Variants in CRTC3 observed in about 807,000 individuals in gnomAD.
CRTC3 encodes CREB regulated transcription coactivator 3.
In CRTC3, 26 loss-of-function variants were observed where a neutral mutation model predicts 74.5. The ratio of observed to expected loss-of-function variants is 0.35; its 90% CI spans 0.26 to 0.48. The LOEUF (loss-of-function observed/expected upper bound fraction) is 0.48. CRTC3 is among the 20% of genes least tolerant of loss of function. The probability of loss-of-function intolerance (pLI) is 0.99; values close to 1 mark genes in which losing one functional copy is unlikely to be tolerated. For synonymous variants in CRTC3, 377 were observed against 325.8 expected, an observed-to-expected ratio of 1.16 and a Z score of -1.69; for missense variants, 760 against 787.3, an observed-to-expected ratio of 0.97 and a Z score of 0.41.
In CRTC3 at chr15:90,638,547, G is replaced by A. The variant is rs375595268; in HGVS notation, c.1368G>A (p.Gln456=). 3.7e-6 allele frequency: 6 copies of A among 1,613,066 alleles called. No individual in the cohort carries two copies. The African/African-American group carries it at 8.0e-5, about 22-fold the overall frequency. ...PPYPAPQELT[Q]PLLQQPRAPE... is the part of the protein sequence containing the mutation. The stretch of plus-strand genomic sequence containing the variant: ...ACCCTGCACCCCAGGAGCTCACCCA[G>A]CCCCTCCTGCAGCAGCCCCGCGCCC... The change falls in exon 12 of 15, where the codon CAG becomes CAA. Residue 456 remains glutamine (Q), a synonymous_variant. Transcript: ENST00000268184.
chr15:90,572,506 CA>C (rs1221605968), intron 2 of CRTC3, among the ~76,000 whole-genome samples: 1 of 152,142 alleles, frequency 6.6e-6, no homozygotes, highest in African/African-American at 2.4e-5. Context: ...AAGGTGATAT[CA>C]ATTTCTACTC....
At chr15:90,623,239 G>A (rs1262195384) in intron 9 of CRTC3, among the ~76,000 whole-genome samples, 1 of 152,094 alleles carries the variant, frequency 6.6e-6, no homozygotes, top group Non-Finnish European at 1.5e-5. Context: ...TTACTCTCAG[G>A]TGTTCCTTCC....
At position 90,545,800 on chromosome 15, in the gene CRTC3, C is replaced by A. The variant is rs7497276; in HGVS notation, c.231+5663C>A. Among the ~76,000 whole-genome samples, 1,032 of 151,990 alleles carry A rather than the reference C, an allele frequency of 6.8e-3. 5 individuals carry two copies. The highest frequency in any genetic ancestry group is 0.024 in the Middle Eastern group (7 of 294). On this transcript the variant is annotated intron_variant, in intron 2 of 14. Coordinates refer to ENST00000268184, the MANE Select transcript of CRTC3 (RefSeq NM_022769.5). ...TCACTGTGTTAGCCAGGATGGTCTC[C>A]ATCTCCTGACTTTGTGATCCGCCCG...
At chr15:90,564,596 C>A (rs1349465609) in intron 2 of CRTC3, among the ~76,000 whole-genome samples, 1 of 152,168 alleles carries the variant, frequency 6.6e-6, no homozygotes, top group East Asian at 1.9e-4. Flanking sequence ...TCTTTTCTTG[C>A]TTCTCATCTG....
At chr15:90,584,752 G>A (rs985659158) in intron 2 of CRTC3, among the ~76,000 whole-genome samples, 3 of 151,594 alleles carry the variant, frequency 2.0e-5, no homozygotes, top group Admixed American at 6.6e-5. Flanking sequence ...AAGCATTAAC[G>A]GCAGATAGGG....
At chr15:90,604,266 A>T in intron 4 of CRTC3, 119 bp from the exon 5 acceptor site, 1 of 740,638 alleles carries the variant, frequency 1.4e-6, no homozygotes, top group South Asian at 1.5e-5. Context: ...GGTATTTTTA[A>T]GTAACTCTTG....
intron 11 of CRTC3, among the ~76,000 whole-genome samples, chr15:90,637,415 G>A (rs917701143): frequency 1.3e-5 from 2 of 152,180 alleles, no homozygotes; most frequent in African/African-American, 4.8e-5. Context: ...GGGATGCGGG[G>A]AAGGGGGAGG....
At position 90,626,004 on chromosome 15, in the gene CRTC3, C is replaced by G. The variant is rs1262136499; in HGVS notation, c.967+11C>G. The G allele has an allele frequency of 2.5e-6, 4 of 1,607,866 alleles. No individual in the cohort carries two copies. The Admixed American group carries it at 6.7e-5, about 27-fold the overall frequency. ...TAAGAAGCTCCTCTGGTGAGTATCT[C>G]CTGCTTAGCAGTGACCTGGTGGCTT... On this transcript the variant is annotated intron_variant, in intron 10 of 14. Coordinates refer to ENST00000268184, the MANE Select transcript of CRTC3 (RefSeq NM_022769.5).
intron 2 of CRTC3, among the ~76,000 whole-genome samples, chr15:90,545,265 G>A (rs544489539): frequency 9.9e-5 from 15 of 152,108 alleles, no homozygotes; most frequent in Non-Finnish European, 1.6e-4. Context: ...TTGGGTTGCC[G>A]CCACCTCTTG....
intron 1 of CRTC3, among the ~76,000 whole-genome samples, chr15:90,536,336 G>A (rs1966718442): frequency 6.6e-6 from 1 of 151,426 alleles, no homozygotes; most frequent in African/African-American, 2.4e-5. Flanking sequence ...AGGAATTCTA[G>A]ACCAGCCTAG....
intron 11 of CRTC3, among the ~76,000 whole-genome samples, chr15:90,630,648 G>T (rs1288693236): frequency 6.6e-6 from 1 of 151,918 alleles, no homozygotes; most frequent in African/African-American, 2.4e-5. Flanking sequence ...AAACACAGGG[G>T]TTGAAACATC....
At chr15:90,540,480 A>C (rs1966785387) in intron 2 of CRTC3, among the ~76,000 whole-genome samples, 1 of 107,216 alleles carries the variant, frequency 9.3e-6, no homozygotes, top group African/African-American at 4.2e-5. Context: ...ATATTACTTA[A>C]ATAAATGTTT....
At chr15:90,571,947 A>T (rs774678999) in intron 2 of CRTC3, among the ~76,000 whole-genome samples, 58 of 152,274 alleles carry the variant, frequency 3.8e-4, no homozygotes, top group African/African-American at 1.4e-3. Context: ...GGATTACCTG[A>T]GGTCAGGAGT....
At chr15:90,576,937 A>G (rs1967419019) in intron 2 of CRTC3, among the ~76,000 whole-genome samples, 1 of 152,194 alleles carries the variant, frequency 6.6e-6, no homozygotes, top group Admixed American at 6.5e-5. Context: ...CACCGGGGCA[A>G]GGAGGAGGAA....
At chr15:90,590,248 A>G (rs928356878) in intron 2 of CRTC3, among the ~76,000 whole-genome samples, 22 of 152,116 alleles carry the variant, frequency 1.4e-4, no homozygotes, top group African/African-American at 4.8e-4. Flanking sequence ...AGCCAAGATC[A>G]TACCACTTCA....
At position 90,563,275 on chromosome 15, in the gene CRTC3, C is replaced by T. The variant is rs116678837; in HGVS notation, c.231+23138C>T. 4.3e-3 allele frequency among the ~76,000 whole-genome samples: 648 copies of T among 151,900 alleles called. 6 individuals are homozygous for T. The highest frequency in any genetic ancestry group is 0.015 in the African/African-American group (627 of 41,416). The stretch of plus-strand genomic sequence containing the variant: ...ACAAAAATTAGCCAGATGGAGTGGT[C>T]AATGCCGGTAATCCCAGCTACTCGG... On this transcript the variant is annotated intron_variant, in intron 2 of 14. Coordinates refer to ENST00000268184, the MANE Select transcript of CRTC3 (RefSeq NM_022769.5).
At chr15:90,552,815 C>G (rs528024219) in intron 2 of CRTC3, among the ~76,000 whole-genome samples, 17 of 152,324 alleles carry the variant, frequency 1.1e-4, no homozygotes, top group African/African-American at 3.6e-4. Flanking sequence ...CTGATTCCTT[C>G]CCAAGCATCT....
chr15:90,645,211 A>G lies in CRTC3; in HGVS notation c.*3071A>G, dbSNP rs1969581910. 1 of 229,614 alleles carries G rather than the reference A, an allele frequency of 4.4e-6. No individual in the cohort carries two copies. The highest frequency in any genetic ancestry group is 6.2e-5 in the East Asian group (1 of 16,112). 14.2% of individuals were successfully genotyped at this position (229,614 alleles called of 1,614,324 possible). A position where few individuals can be genotyped will look rare whatever the true frequency, so the allele number is the denominator to read the frequency against. On this transcript the variant is annotated 3_prime_UTR_variant, in exon 15 of 15. Transcript: ENST00000268184. ...CCAGCAACTAATCAGACTTCCTGCC[A>G]GTGTCCTAACCCCCAGGGCACCCTG...
chr15:90,640,829 A>T (rs918748033), intron 13 of CRTC3, among the ~76,000 whole-genome samples: 4 of 152,274 alleles, frequency 2.6e-5, no homozygotes, highest in African/African-American at 9.6e-5. Flanking sequence ...AACCATGAGC[A>T]TTGGTGTCTC....
Sources: allele counts gnomAD v4.1 joint callset (sites outside exome capture counted in the v4.1 genomes callset), GRCh38; gene constraint gnomAD v4.1.1; transcripts MANE v1.5; gene names NCBI Gene and HGNC (gene_info 2026-07-23, HGNC 2026-07-21).